Variants in AFF2 observed in about 807,000 individuals in gnomAD.
AFF2 encodes ALF transcription elongation factor 2.
A neutral mutation model predicts 76.9 loss-of-function variants in AFF2; 14 were observed. The ratio of observed to expected loss-of-function variants is 0.18; its 90% CI spans 0.12 to 0.28. The LOEUF (loss-of-function observed/expected upper bound fraction) is 0.28, where lower values mean the gene tolerates loss of function less well. Ranked by LOEUF, AFF2 falls within the 10% of genes least tolerant of loss-of-function variation. The pLI, the probability that AFF2 is intolerant of heterozygous loss-of-function variation, is 1.00. For missense variants in AFF2, 868 were observed against 1,001.1 expected (o/e 0.87, Z 1.79); for synonymous variants, 398 against 366.7 (o/e 1.09, Z -0.98).
At chrX:148,973,728 C>T in intron 16 of AFF2, 121 bp downstream of exon 16, 1 of 735,229 alleles carries the variant, frequency 1.4e-6, no homozygotes. Flanking sequence ...TCTTAGAAGT[C>T]ATCATAATTA....
chrX:148,878,352 G>A (rs1014949549), intron 7 of AFF2, among the ~76,000 whole-genome samples: 2 of 111,763 alleles, frequency 1.8e-5, no homozygotes, highest in Admixed American at 9.5e-5. Context: ...AATGTCTCTA[G>A]AATCTGGTCT....
At chrX:148,824,707 G>A (rs2070367349) in intron 4 of AFF2, among the ~76,000 whole-genome samples, 1 of 111,516 alleles carries the variant, frequency 9.0e-6, no homozygotes, top group South Asian at 3.7e-4. Flanking sequence ...ACTTGCCATT[G>A]GGTTGCGTGT....
chrX:148,540,749 G>A (rs782236478), intron 1 of AFF2, among the ~76,000 whole-genome samples: 5 of 111,630 alleles, frequency 4.5e-5, no homozygotes, highest in African/African-American at 1.6e-4. Flanking sequence ...TAAAAATCCT[G>A]ACTTCCAGAA....
intron 7 of AFF2, among the ~76,000 whole-genome samples, chrX:148,880,170 AGGT>A (rs2071081023): frequency 1.8e-5 from 2 of 112,120 alleles, no homozygotes; most frequent in African/African-American, 6.5e-5. Context: ...ATTCCCAGTG[AGGT>A]GGTGGCCACT....
At chrX:148,578,035 C>A (rs1292003521) in intron 1 of AFF2, among the ~76,000 whole-genome samples, 2 of 112,490 alleles carry the variant, frequency 1.8e-5, no homozygotes, top group Non-Finnish European at 3.8e-5. Flanking sequence ...CAAATTCTTT[C>A]TTTATTTTTA....
chrX:148,598,443 T>A (rs2053596075), intron 1 of AFF2, among the ~76,000 whole-genome samples: 1 of 111,545 alleles, frequency 9.0e-6, no homozygotes, highest in Non-Finnish European at 1.9e-5. Context: ...ATGACCAATA[T>A]CCTTCCTGTG....
intron 9 of AFF2, among the ~76,000 whole-genome samples, chrX:148,911,077 A>T (rs981550024): frequency 1.8e-4 from 16 of 87,685 alleles, no homozygotes; most frequent in Non-Finnish European, 3.9e-4. Context: ...CACATAAATT[A>T]TATATATATA....
intron 1 of AFF2, among the ~76,000 whole-genome samples, chrX:148,526,974 G>C (rs1363423095): frequency 1.1e-4 from 12 of 112,073 alleles, no homozygotes; most frequent in African/African-American, 3.9e-4. Flanking sequence ...GTCATCAATG[G>C]ATCATAAAAG....
At chrX:148,958,174 T>G (rs1332204258) in intron 11 of AFF2, among the ~76,000 whole-genome samples, 163 bp from the exon 12 acceptor site, 1 of 112,200 alleles carries the variant, frequency 8.9e-6, no homozygotes, top group Non-Finnish European at 1.9e-5. Context: ...GCAAGGTTGA[T>G]TGCTTTTCTG....
chrX:148,785,751 A>AAATTAATT (rs1274852047), intron 3 of AFF2, among the ~76,000 whole-genome samples: 1 of 112,324 alleles, frequency 8.9e-6, no homozygotes, highest in Non-Finnish European at 1.9e-5. Context: ...CAGCTGTAAA[A>AAATTAATT]AATTAATTAG....
intron 9 of AFF2, among the ~76,000 whole-genome samples, chrX:148,940,724 G>A (rs919700987): frequency 1.8e-5 from 2 of 111,301 alleles, no homozygotes; most frequent in African/African-American, 6.5e-5. Context: ...CCACATACAG[G>A]AGTCAGTGTT....
chrX:148,856,656 A>T (rs1265681370), intron 7 of AFF2, among the ~76,000 whole-genome samples: 1 of 111,829 alleles, frequency 8.9e-6, no homozygotes, highest in Non-Finnish European at 1.9e-5. Context: ...TCTGCTCCTG[A>T]GTCCCAAAAC....
intron 1 of AFF2, among the ~76,000 whole-genome samples, chrX:148,633,022 A>T (rs911146287): frequency 1.8e-5 from 2 of 112,162 alleles, no homozygotes; most frequent in African/African-American, 6.5e-5. Context: ...TGGATCAAAC[A>T]TCCCTAGATT....
chrX:148,880,201 T>C (rs2071081442), intron 7 of AFF2, among the ~76,000 whole-genome samples: 1 of 111,893 alleles, frequency 8.9e-6, no homozygotes, highest in Non-Finnish European at 1.9e-5. Flanking sequence ...AGTTTTAAGT[T>C]AAAACCTTAG....
chrX:148,564,468 G>GAA (rs5904241), intron 1 of AFF2, among the ~76,000 whole-genome samples: 96 of 85,530 alleles, frequency 1.1e-3, no homozygotes, highest in South Asian at 8.0e-3. Context: ...CTCTTGATTT[G>GAA]AAAAAAAAAA....
chrX:148,801,916 A>T (rs2070064505), intron 3 of AFF2, among the ~76,000 whole-genome samples: 1 of 111,569 alleles, frequency 9.0e-6, no homozygotes, highest in South Asian at 3.8e-4. Flanking sequence ...CATGCTGCTG[A>T]AACAGCTATG....
intron 10 of AFF2, among the ~76,000 whole-genome samples, chrX:148,955,201 T>C (rs1323649332): frequency 1.8e-5 from 2 of 112,335 alleles, no homozygotes; most frequent in African/African-American, 6.5e-5. Context: ...CCTTTCAGGA[T>C]CAGAGACTAT....
At chrX:148,539,064 A>T (rs782007813) in intron 1 of AFF2, among the ~76,000 whole-genome samples, 74 of 111,317 alleles carry the variant, frequency 6.6e-4, no homozygotes, top group African/African-American at 2.3e-3. Context: ...ACCAGAAATT[A>T]AAAAAAATTT....
intron 19 of AFF2, among the ~76,000 whole-genome samples, chrX:148,983,951 G>GAAAAAAAAAAAAAAAAAAAAAA (rs1569558020): frequency 3.5e-4 from 1 of 2,850 alleles, no homozygotes; most frequent in Non-Finnish European, 0.013. Flanking sequence ...GAGTGAAATA[G>GAAAAAAAAAAAAAAAAAAAAAA]ACAAAAAAAA....
Sources: allele counts gnomAD v4.1 joint callset (sites outside exome capture counted in the v4.1 genomes callset), GRCh38; gene constraint gnomAD v4.1.1; transcripts MANE v1.5; gene names NCBI Gene and HGNC (gene_info 2026-07-23, HGNC 2026-07-21).